BAZ2B: variants seen among roughly 807,000 people sequenced by gnomAD.
BAZ2B encodes bromodomain adjacent to zinc finger domain protein 2B.
In BAZ2B, 91 loss-of-function variants were observed where a neutral mutation model predicts 246.0. The observed-to-expected ratio is 0.37, with a 90% confidence interval of 0.31 to 0.44. The LOEUF (loss-of-function observed/expected upper bound fraction) is 0.44, where lower values mean the gene tolerates loss of function less well. Among genes scored for constraint, BAZ2B ranks in the 20% least tolerant of loss-of-function variants. The pLI, the probability that BAZ2B is intolerant of heterozygous loss-of-function variation, is 1.00. For synonymous variants in BAZ2B, 855 were observed against 860.0 expected, an observed-to-expected ratio of 0.99 and a Z score of 0.10; for missense variants, 2,332 against 2,533.7, an observed-to-expected ratio of 0.92 and a Z score of 1.71.
chr2:159,691,598 C>T, the BAZ2B span, among the ~76,000 whole-genome samples: 1 of 152,134 alleles, frequency 6.6e-6, no homozygotes, highest in Non-Finnish European at 1.5e-5. Flanking sequence ...AGCTGCACAC[C>T]TCAATCTATA....
At chr2:159,620,819 T>C (rs1696402715), upstream of BAZ2B, among the ~76,000 whole-genome samples, 1 of 152,096 alleles carries the variant, frequency 6.6e-6, no homozygotes. Context: ...AGTACCATGG[T>C]AAGGTGGTTG....
chr2:159,478,811 TATAAA>T (rs958573342), intron 2 of BAZ2B, 90 bp from the exon 3 acceptor site: 5 of 963,984 alleles, frequency 5.2e-6, no homozygotes, highest in Non-Finnish European at 7.0e-6. Context: ...CTTTTAAAAA[TATAAA>T]ATAAATTTCT....
chr2:159,688,015 T>G, the BAZ2B span, among the ~76,000 whole-genome samples: 1 of 152,326 alleles, frequency 6.6e-6, no homozygotes, highest in East Asian at 1.9e-4. Context: ...TATCTTAAAT[T>G]ATTATAAAGT....
chr2:159,711,941 G>T, the BAZ2B span: 2 of 152,126 alleles, frequency 1.3e-5, no homozygotes, highest in African/African-American at 4.8e-5. Flanking sequence ...TGATCACAAG[G>T]TTGGACAAAC....
At chr2:159,397,059 T>C (rs546870725) in intron 19 of BAZ2B, 1 of 1,385,494 alleles carries the variant, frequency 7.2e-7, no homozygotes, top group Non-Finnish European at 9.6e-7. Context: ...TGTACAAAAA[T>C]AAACATACCC....
the BAZ2B span, among the ~76,000 whole-genome samples, chr2:159,656,729 T>C: frequency 2.0e-4 from 31 of 152,314 alleles, no homozygotes; most frequent in Non-Finnish European, 5.9e-5. Context: ...CTCATTTTAA[T>C]TAACAATTCC....
intron 20 of BAZ2B, among the ~76,000 whole-genome samples, chr2:159,392,566 A>G (rs1424443524): frequency 6.6e-6 from 1 of 152,074 alleles, no homozygotes. Context: ...CCCCCTGGAC[A>G]CCTGGAGAAA....
In BAZ2B at chr2:159,446,800, A is replaced by T; in HGVS notation, c.678T>A (p.Val226=). The T allele has an allele frequency of 6.2e-7, 1 of 1,608,764 alleles. No individual in the cohort carries two copies. The highest frequency in any genetic ancestry group is 1.1e-5 in the South Asian group (1 of 90,164). Reference sequence around the variant, plus strand: ...AACTTACCTTATCTTTGATTTTGTCAACTCTAGCATCCAAAGGCTGGTTTT... The same window carrying T: ...AACTTACCTTATCTTTGATTTTGTCTACTCTAGCATCCAAAGGCTGGTTTT... ...QSKNQPLDAR[V]DKIKDKKPRK... The change falls in exon 6 of 37, where the codon GTT becomes GTA. Residue 226 remains valine (V), a synonymous_variant. Coordinates refer to ENST00000392783, the MANE Select transcript of BAZ2B (RefSeq NM_013450.4).
intron 1 of BAZ2B, among the ~76,000 whole-genome samples, chr2:159,604,467 A>T (rs1308836135): frequency 2.0e-5 from 3 of 152,170 alleles, no homozygotes; most frequent in African/African-American, 7.2e-5. Flanking sequence ...TTGATACTCA[A>T]ATAGTTTTAA....
At position 159,448,156 on chromosome 2, in the gene BAZ2B, A is replaced by C. The variant is rs547088069; in HGVS notation, c.502+86T>G. On this transcript the variant is annotated intron_variant, in intron 5 of 36. Transcript: ENST00000392783. ...ACAAACAAACAAACAAAAACAAAAA[A>C]CAAAAAAAGGTATTAAACCTGAACA... 3.9e-4 allele frequency: 574 copies of C among 1,473,930 alleles called. 9 individuals carry two copies. The South Asian group carries it at 7.0e-3, about 18-fold the overall frequency. The allele number at this position is 1,473,930 out of a possible 1,614,324, so 91.3% of individuals were successfully genotyped here.
At chr2:159,430,376 T>G (rs115650712) in intron 10 of BAZ2B, among the ~76,000 whole-genome samples, 1,719 of 152,334 alleles carry the variant, frequency 0.011, 16 homozygotes, top group Non-Finnish European at 0.019. Context: ...TTCTCTTTAT[T>G]GTAAGAATAC....
the BAZ2B span, among the ~76,000 whole-genome samples, chr2:159,680,377 C>T: frequency 0.018 from 2,685 of 152,282 alleles, 38 homozygotes; most frequent in Middle Eastern, 0.031. Context: ...TTAGATACCA[C>T]GGTTAGATTC....
chr2:159,384,610 C>G (rs2062402960), intron 23 of BAZ2B, among the ~76,000 whole-genome samples: 1 of 151,992 alleles, frequency 6.6e-6, no homozygotes, highest in African/African-American at 2.4e-5. Flanking sequence ...TAGTATTTTA[C>G]TAGTAACAAG....
chr2:159,462,842 G>A (rs1473536974), intron 3 of BAZ2B: 20 of 1,583,396 alleles, frequency 1.3e-5, no homozygotes, highest in African/African-American at 5.4e-5. Context: ...TACAGAAGCC[G>A]TTGGAATAAT....
intron 1 of BAZ2B, among the ~76,000 whole-genome samples, chr2:159,609,934 A>G (rs1268636640): frequency 6.6e-6 from 1 of 152,192 alleles, no homozygotes; most frequent in Non-Finnish European, 1.5e-5. Context: ...AATTCATGTT[A>G]AAGCCAAATC....
chr2:159,481,794 A>C (rs1245410982), intron 2 of BAZ2B, among the ~76,000 whole-genome samples: 1 of 151,974 alleles, frequency 6.6e-6, no homozygotes, highest in Non-Finnish European at 1.5e-5. Flanking sequence ...GAAAGAAAAA[A>C]AAAAAGACTG....
chr2:159,450,369 T>A (rs2074890718), intron 4 of BAZ2B, among the ~76,000 whole-genome samples: 2 of 123,612 alleles, frequency 1.6e-5, no homozygotes, highest in East Asian at 2.3e-4. Context: ...GGAGTGAAAC[T>A]CTCTCAAAGA....
intron 25 of BAZ2B, among the ~76,000 whole-genome samples, chr2:159,380,890 A>G (rs2061925747): frequency 6.6e-6 from 1 of 152,174 alleles, no homozygotes. Flanking sequence ...GACTTTGCCC[A>G]TATACTCTTT....
At chr2:159,617,012 T>C (rs967129536), upstream of BAZ2B, 7 of 152,162 alleles carry the variant, frequency 4.6e-5, no homozygotes, top group Non-Finnish European at 1.0e-4. Context: ...TCTACTGCCT[T>C]TCCACGGACA....
Sources: allele counts gnomAD v4.1 joint callset (sites outside exome capture counted in the v4.1 genomes callset), GRCh38; gene constraint gnomAD v4.1.1; transcripts MANE v1.5; gene names NCBI Gene and HGNC (gene_info 2026-07-23, HGNC 2026-07-21).